The following CACNA2D1 variants were observed in gnomAD, a reference collection of about 807,000 sequenced individuals.
CACNA2D1 encodes the protein calcium voltage-gated channel auxiliary subunit alpha2delta 1, also known as voltage-dependent calcium channel subunit alpha-2/delta-1.
Under a neutral mutation model 171.5 loss-of-function variants are expected in CACNA2D1, and 53 were observed. The ratio of observed to expected loss-of-function variants is 0.31; its 90% CI spans 0.25 to 0.39. The LOEUF is 0.39. Ranked by LOEUF, CACNA2D1 falls within the 10% of genes least tolerant of loss-of-function variation. The pLI is 1.00. For missense variants in CACNA2D1, 903 were observed against 1,299.8 expected, an observed-to-expected ratio of 0.69 and a Z score of 4.69; for synonymous variants, 442 against 443.1, an observed-to-expected ratio of 1.00 and a Z score of 0.03.
chr7:82,219,322 AT>A (rs1801505281), intron 3 of CACNA2D1, among the ~76,000 whole-genome samples: 1 of 152,102 alleles, frequency 6.6e-6, no homozygotes, highest in Non-Finnish European at 1.5e-5. Flanking sequence ...TATTTTACAT[AT>A]TTTCTAAACT....
At position 81,961,920 on chromosome 7, in the gene CACNA2D1, A is replaced by G; in HGVS notation, c.2940T>C (p.Gly980=). ...TGGAACAGTTTCCACAGTCTAATAC[A>G]CCACTGAATGATTTACTGTCGTTAT... ...FFDNDSKSFS[G]VLDCGNCSRI... The change falls in exon 36 of 39, where the codon GGT becomes GGC. Residue 980 remains glycine (G), a synonymous_variant. Coordinates refer to ENST00000356860, the MANE Select transcript of CACNA2D1 (RefSeq NM_000722.4). 6.2e-7 allele frequency: 1 copy of G among 1,610,456 alleles called. No homozygotes were observed. Among genetic ancestry groups the G allele is most frequent in the Non-Finnish European group, 8.5e-7 (1 of 1,177,094 alleles).
intron 3 of CACNA2D1, among the ~76,000 whole-genome samples, chr7:82,282,340 C>T (rs1184218140): frequency 1.3e-5 from 2 of 152,080 alleles, no homozygotes; most frequent in Non-Finnish European, 2.9e-5. Context: ...TCTGTTATTG[C>T]AGTTATGTTC....
chr7:82,235,918 A>G (rs1803530283), intron 3 of CACNA2D1, among the ~76,000 whole-genome samples: 1 of 152,086 alleles, frequency 6.6e-6, no homozygotes, highest in Non-Finnish European at 1.5e-5. Context: ...TCCATGACTC[A>G]TTCCCCTCAT....
intron 3 of CACNA2D1, among the ~76,000 whole-genome samples, chr7:82,262,262 T>C: frequency 6.6e-6 from 1 of 152,112 alleles, no homozygotes; most frequent in East Asian, 1.9e-4. Flanking sequence ...ACCCAGGACG[T>C]GGAGCTTGCG....
chr7:82,300,683 T>C (rs907775335), intron 3 of CACNA2D1, among the ~76,000 whole-genome samples: 1 of 152,084 alleles, frequency 6.6e-6, no homozygotes, highest in African/African-American at 2.4e-5. Flanking sequence ...CTTCTTAAAT[T>C]AGAATACTTA....
In CACNA2D1 at chr7:81,949,421, G is replaced by A. The variant is rs1453235602; in HGVS notation, c.*971C>T. On this transcript the variant is annotated 3_prime_UTR_variant, in exon 39 of 39. Transcript: ENST00000356860. ...GATTCTTACATAACAATATCACTCA[G>A]TTAACTTTTCAATGACTACACTCTA... The A allele has an allele frequency of 6.6e-6, 1 of 152,002 alleles. No individual in the cohort carries two copies. The highest frequency in any genetic ancestry group is 2.4e-5 in the African/African-American group (1 of 41,406). 9.4% of individuals were successfully genotyped at this position (152,002 alleles called of 1,614,324 possible).
chr7:82,063,419 T>C (rs938682377), intron 9 of CACNA2D1, among the ~76,000 whole-genome samples: 1 of 152,194 alleles, frequency 6.6e-6, no homozygotes, highest in African/African-American at 2.4e-5. Context: ...TTTCTCAGAC[T>C]GGGTTATGAG....
chr7:82,117,317 G>C (rs1478706304), intron 5 of CACNA2D1, 144 bp from the exon 6 acceptor site: 2 of 784,670 alleles, frequency 2.5e-6, no homozygotes, highest in Non-Finnish European at 2.1e-6. Context: ...GATAGCATTG[G>C]ATACACAAAT....
At chr7:82,090,280 G>A (rs1019891461) in intron 6 of CACNA2D1, among the ~76,000 whole-genome samples, 1 of 151,972 alleles carries the variant, frequency 6.6e-6, no homozygotes, top group African/African-American at 2.4e-5. Flanking sequence ...TAATAAAGCA[G>A]ATTTATGCAA....
At chr7:82,175,435 T>G (rs529235979) in intron 3 of CACNA2D1, among the ~76,000 whole-genome samples, 1 of 152,192 alleles carries the variant, frequency 6.6e-6, no homozygotes, top group South Asian at 2.1e-4. Context: ...CAATAAAGAT[T>G]AGCAAATTCT....
intron 3 of CACNA2D1, among the ~76,000 whole-genome samples, chr7:82,275,016 T>G (rs1406608910): frequency 7.1e-6 from 1 of 141,304 alleles, no homozygotes; most frequent in Non-Finnish European, 1.6e-5. Flanking sequence ...GCAACAAAAG[T>G]ATACTGAGTG....
Position 82,060,195 on chromosome 7 carries a change from T to C in CACNA2D1, c.879+233A>G, listed in dbSNP as rs1345010983. The stretch of plus-strand genomic sequence containing the variant: ...ATATATATAATATATATATATTATA[T>C]ATATATTATATATATAATATATATA... On this transcript the variant is annotated intron_variant, in intron 10 of 38. Coordinates refer to ENST00000356860, the MANE Select transcript of CACNA2D1 (RefSeq NM_000722.4). Among the ~76,000 whole-genome samples the C allele has an allele frequency of 2.8e-4, 3 of 10,726 alleles. 1 individual carries two copies. In the South Asian group the frequency reaches 0.016, roughly 56 times the overall value. The allele number at this position is 10,726 out of a possible 152,430, so 7.0% of individuals were successfully genotyped here.
chr7:81,993,961 C>T (rs1797802025), intron 20 of CACNA2D1, among the ~76,000 whole-genome samples: 8 of 151,882 alleles, frequency 5.3e-5, no homozygotes, highest in Admixed American at 5.2e-4. Flanking sequence ...AATATACCTC[C>T]CTTTGCGTTC....
At chr7:81,987,958 C>T (rs1005282216) in intron 21 of CACNA2D1, among the ~76,000 whole-genome samples, 2 of 152,054 alleles carry the variant, frequency 1.3e-5, no homozygotes, top group Non-Finnish European at 1.5e-5. Flanking sequence ...GACATGAACT[C>T]GAGAAAAGAA....
intron 4 of CACNA2D1, among the ~76,000 whole-genome samples, chr7:82,149,796 A>AAAGAAAAG (rs200977708): frequency 7.8e-4 from 106 of 136,710 alleles, no homozygotes; most frequent in East Asian, 2.2e-3. Context: ...ACAAACAACA[A>AAAGAAAAG]AAAAAAAAAC....
At chr7:82,415,699 CT>C (rs980695182) in intron 1 of CACNA2D1, among the ~76,000 whole-genome samples, 185 of 149,000 alleles carry the variant, frequency 1.2e-3, no homozygotes, top group South Asian at 1.9e-3. Context: ...TGCACTGCAT[CT>C]TTTTTTTTTC....
rs1562982025 is a variant in CACNA2D1 at position 82,060,205 on chromosome 7, AT to A, written c.879+222del. 4.8e-3 allele frequency among the ~76,000 whole-genome samples: 149 copies of A among 30,830 alleles called. 10 individuals carry two copies. Among genetic ancestry groups the A allele is most frequent in the African/African-American group, 0.016 (144 of 8,750 alleles). 20.2% of individuals were successfully genotyped at this position (30,830 alleles called of 152,430 possible). A position where few individuals can be genotyped will look rare whatever the true frequency, so the allele number is the denominator to read the frequency against. On this transcript the variant is annotated intron_variant, in intron 10 of 38. Coordinates refer to ENST00000356860, the MANE Select transcript of CACNA2D1 (RefSeq NM_000722.4). ...TATATATATATTATATATATATTAT[AT>A]ATATAATATATATATAATATATATA...
chr7:82,081,573 T>A (rs140557789), intron 7 of CACNA2D1, among the ~76,000 whole-genome samples: 2 of 152,308 alleles, frequency 1.3e-5, no homozygotes, highest in Non-Finnish European at 2.9e-5. Flanking sequence ...TGTTATTTGG[T>A]GAGTCATTTT....
chr7:82,341,003 C>T (rs1161523090), intron 2 of CACNA2D1, among the ~76,000 whole-genome samples: 1 of 152,128 alleles, frequency 6.6e-6, no homozygotes, highest in African/African-American at 2.4e-5. Flanking sequence ...GCTTCAGATA[C>T]CCACAAAATC....
Sources: allele counts gnomAD v4.1 joint callset (sites outside exome capture counted in the v4.1 genomes callset), GRCh38; gene constraint gnomAD v4.1.1; transcripts MANE v1.5; gene names NCBI Gene and HGNC (gene_info 2026-07-23, HGNC 2026-07-21).